MED15: variants seen among roughly 807,000 people sequenced by gnomAD.
MED15 encodes the protein mediator of RNA polymerase II transcription subunit 15.
MED15 carries 41 observed loss-of-function variants against 118.7 expected under a neutral mutation model. The ratio of observed to expected loss-of-function variants is 0.35; its 90% confidence interval spans 0.27 to 0.45. The LOEUF is 0.45. MED15 is among the 20% of genes least tolerant of loss of function. The pLI is 1.00. For missense variants in MED15, 740 were observed against 1,025.5 expected (o/e 0.72, Z 3.80); for synonymous variants, 436 against 413.9 (o/e 1.05, Z -0.65).
At chr22:20,571,377 G>A (rs1047167014) in intron 8 of MED15, among the ~76,000 whole-genome samples, 40 of 152,250 alleles carry the variant, frequency 2.6e-4, no homozygotes, top group African/African-American at 9.6e-4. Context: ...GTGGTTCGTT[G>A]CTGAGTGAGT....
intron 2 of MED15, among the ~76,000 whole-genome samples, chr22:20,546,206 G>A (rs1195844928): frequency 5.3e-5 from 8 of 152,164 alleles, no homozygotes; most frequent in Non-Finnish European, 1.0e-4. Flanking sequence ...CTCCCCATGG[G>A]CTCTGATGTC....
chr22:20,508,489 A>T, intron 1 of MED15: 3 of 1,115,090 alleles, frequency 2.7e-6, no homozygotes, highest in Non-Finnish European at 3.6e-6. Context: ...AGGTGGGCTG[A>T]GTCCGAAAAG....
At chr22:20,533,957 A>G (rs1300747777) in intron 1 of MED15, among the ~76,000 whole-genome samples, 1 of 152,130 alleles carries the variant, frequency 6.6e-6, no homozygotes, top group Non-Finnish European at 1.5e-5. Context: ...GCACCAAGAC[A>G]GTGTCTGTCT....
intron 9 of MED15, chr22:20,582,291 C>G (rs2057009823): frequency 2.2e-6 from 1 of 458,010 alleles, no homozygotes. Context: ...CTAGTGCCAG[C>G]CAAGGGCATT....
intron 8 of MED15, chr22:20,574,444 T>C (rs974971671): frequency 6.6e-6 from 1 of 152,342 alleles, no homozygotes; most frequent in African/African-American, 2.4e-5. Context: ...CCTGTGGAGA[T>C]GAACTTCCTC....
chr22:20,564,231 T>G (rs141809777), intron 5 of MED15, among the ~76,000 whole-genome samples: 90 of 152,352 alleles, frequency 5.9e-4, no homozygotes, highest in African/African-American at 2.1e-3. Context: ...TCTTTTGTCT[T>G]TGGTTATTAT....
chr22:20,578,599 A>C (rs2056890343), intron 9 of MED15, among the ~76,000 whole-genome samples: 1 of 152,114 alleles, frequency 6.6e-6, no homozygotes, highest in African/African-American at 2.4e-5. Context: ...GTCCCTTCCG[A>C]GAAAAAGAGA....
intron 9 of MED15, among the ~76,000 whole-genome samples, chr22:20,579,113 G>C (rs1366572214): frequency 6.6e-6 from 1 of 152,224 alleles, no homozygotes; most frequent in African/African-American, 2.4e-5. Context: ...CTAGGGGCTT[G>C]TCCTTTGACT....
At chr22:20,584,151 C>T in intron 13 of MED15, 1 of 600,438 alleles carries the variant, frequency 1.7e-6, no homozygotes, top group Non-Finnish European at 3.0e-6. Flanking sequence ...TCTCTTGACC[C>T]ATCACCTCAC....
rs752093457 is a variant in MED15, at chr22:20,587,068, G to A, written c.*364G>A. Reference sequence around the variant, plus strand: ...TTGTTAGAGCGTCTCGTGTGTGCTAGACGCACCCCTACTCGTTCCTATAGA... The same window carrying A: ...TTGTTAGAGCGTCTCGTGTGTGCTAAACGCACCCCTACTCGTTCCTATAGA... On this transcript the variant is annotated 3_prime_UTR_variant, in exon 18 of 18. Coordinates refer to ENST00000263205, the MANE Select transcript of MED15 (RefSeq NM_001003891.3). 1.3e-5 allele frequency: 4 copies of A among 306,860 alleles called. No individual in the cohort carries two copies. The highest frequency in any genetic ancestry group is 2.1e-5 in the African/African-American group (1 of 48,454). The allele number at this position is 306,860 out of a possible 1,614,324, so 19.0% of individuals were successfully genotyped here. A position where few individuals can be genotyped will look rare whatever the true frequency, so the allele number is the denominator to read the frequency against.
chr22:20,583,433 A>T, intron 13 of MED15, 40 bp downstream of exon 13: 3 of 1,608,136 alleles, frequency 1.9e-6, no homozygotes, highest in Non-Finnish European at 2.5e-6. Context: ...CCACAAGGGC[A>T]CAGATAGCCC....
intron 2 of MED15, chr22:20,551,189 G>C: frequency 1.5e-6 from 1 of 655,780 alleles, no homozygotes; most frequent in Non-Finnish European, 2.9e-6. Flanking sequence ...TCCATCAGGG[G>C]AGAGGAGTGG....
rs762016950 is a variant in MED15 at position 20,537,090 on chromosome 22, A to G, written c.69-27A>G. On this transcript the variant is annotated intron_variant, in intron 1 of 17. Transcript: ENST00000263205. ...AGCGGTGGAGTCACTGGTGTGTGCA[A>G]ACGTCTCTTCTCCTTTTGTGTTTCA... is the stretch of plus-strand genomic sequence containing the variant. 3 of 1,608,060 alleles carry G rather than the reference A, an allele frequency of 1.9e-6. No homozygotes were observed. In the South Asian group the frequency reaches 3.3e-5, roughly 18 times the overall value.
chr22:20,523,810 C>CT (rs2054542288), intron 1 of MED15: 1 of 985,324 alleles, frequency 1.0e-6, no homozygotes, highest in African/African-American at 1.7e-5. Context: ...TCTGAACTAG[C>CT]TTAGACAACA....
intron 1 of MED15, among the ~76,000 whole-genome samples, chr22:20,536,151 C>T (rs1031390954): frequency 2.0e-5 from 3 of 152,176 alleles, no homozygotes; most frequent in South Asian, 4.1e-4. Context: ...GTTGGGATTA[C>T]AGGCGTGTGG....
intron 2 of MED15, chr22:20,551,186 G>C (rs1278876746): frequency 6.1e-6 from 4 of 652,836 alleles, no homozygotes; most frequent in Non-Finnish European, 1.2e-5. Flanking sequence ...CTTTCCATCA[G>C]GGGAGAGGAG....
chr22:20,507,917 A>T, intron 1 of MED15, 171 bp downstream of exon 1: 1 of 1,453,174 alleles, frequency 6.9e-7, no homozygotes, highest in Non-Finnish European at 9.1e-7. Flanking sequence ...TCCGTTCCCG[A>T]CATGGACTGC....
intron 1 of MED15, among the ~76,000 whole-genome samples, chr22:20,511,804 G>A (rs2054073736): frequency 6.6e-6 from 1 of 151,894 alleles, no homozygotes; most frequent in Non-Finnish European, 1.5e-5. Context: ...CACAAGTGAG[G>A]GTGAGGCCTA....
chr22:20,583,168 G>A lies in MED15; in HGVS notation c.1593G>A (p.Gln531=), dbSNP rs1459963105. The A allele has an allele frequency of 1.4e-5, 23 of 1,610,418 alleles. No individual in the cohort carries two copies. Among genetic ancestry groups the A allele is most frequent in the African/African-American group, 6.7e-5 (5 of 74,916 alleles). ...PAGSSQAEEQ[Q]YLDKLKQLSK... ...GCTCCAGCCAGGCTGAGGAGCAGCA[G>A]TACCTGGACAAGCTGAAGCAGCTGT... Residue 531 remains glutamine, a synonymous_variant, in exon 12 of 18, where the codon CAG becomes CAA. Transcript: ENST00000263205.
Sources: gnomAD v4.1 joint callset for allele counts (sites outside exome capture counted in the v4.1 genomes callset) on GRCh38, gnomAD v4.1.1 for gene constraint, MANE v1.5 for transcripts, NCBI Gene and HGNC (gene_info 2026-07-23, HGNC 2026-07-21) for gene names.